LHPP: variants seen among roughly 807,000 people sequenced by gnomAD.
LHPP encodes phospholysine phosphohistidine inorganic pyrophosphate phosphatase, also known as hLHPP.
In LHPP, 24 loss-of-function variants were observed where a neutral mutation model predicts 30.3. The ratio of observed to expected loss-of-function variants is 0.79; its 90% CI spans 0.57 to 1.11. LHPP has a LOEUF of 1.11. Among genes scored for constraint, LHPP ranks in the 50% most tolerant of loss-of-function variants. The probability of loss-of-function intolerance (pLI) is 0.00; values close to 1 mark genes in which losing one functional copy is unlikely to be tolerated. For synonymous variants in LHPP, 150 were observed against 157.1 expected, an observed-to-expected ratio of 0.95 and a Z score of 0.34; for missense variants, 356 against 367.2, an observed-to-expected ratio of 0.97 and a Z score of 0.25.
intron 2 of LHPP, among the ~76,000 whole-genome samples, chr10:124,485,038 T>G (rs1564779851): frequency 1.3e-5 from 2 of 152,126 alleles, no homozygotes; most frequent in South Asian, 4.1e-4. Flanking sequence ...ATATTTTTAG[T>G]TTTACAAACT....
In LHPP at chr10:124,613,547, C is replaced by T. The variant is rs990359067; in HGVS notation, c.*187C>T. 16 of 623,360 alleles carry T rather than the reference C, an allele frequency of 2.6e-5. No homozygotes were observed. Among genetic ancestry groups the T allele is most frequent in the South Asian group, 3.6e-5 (2 of 55,092 alleles). 38.6% of individuals were successfully genotyped at this position (623,360 alleles called of 1,614,324 possible). On this transcript the variant is annotated 3_prime_UTR_variant, in exon 7 of 7. Coordinates refer to ENST00000368842, the MANE Select transcript of LHPP (RefSeq NM_022126.4). ...CCAACCAAGGCCCTGACAGCCCTGC[C>T]TTCTGCCCTCTGCCCTGCATGGGCA... is the stretch of plus-strand genomic sequence containing the variant.
intron 5 of LHPP, among the ~76,000 whole-genome samples, chr10:124,516,012 C>G (rs11245252): frequency 0.097 from 14,707 of 152,244 alleles, 1,037 homozygotes; most frequent in South Asian, 0.31. Flanking sequence ...CTGGGTCTCC[C>G]CAGAATCCTA....
intron 1 of LHPP, among the ~76,000 whole-genome samples, chr10:124,470,322 C>T (rs182008916): frequency 1.1e-4 from 16 of 152,244 alleles, no homozygotes; most frequent in Admixed American, 7.2e-4. Context: ...TTTTTGGAGC[C>T]GGCGGAAGGA....
At chr10:124,477,414 T>C (rs12778799) in intron 1 of LHPP, among the ~76,000 whole-genome samples, 32,332 of 152,114 alleles carry the variant, frequency 0.21, 4,322 homozygotes, top group Middle Eastern at 0.31. Context: ...ATGTCTGCAA[T>C]GTGGCCCCAG....
chr10:124,524,655 G>A (rs985026098), intron 6 of LHPP, among the ~76,000 whole-genome samples: 2 of 152,022 alleles, frequency 1.3e-5, no homozygotes, highest in African/African-American at 2.4e-5. Context: ...GCAACATAGC[G>A]AGACCTCATT....
At chr10:124,612,492 C>G (rs892908080) in intron 6 of LHPP, among the ~76,000 whole-genome samples, 1 of 152,188 alleles carries the variant, frequency 6.6e-6, no homozygotes. Flanking sequence ...CTCCCACCCA[C>G]GTGTCTACCC....
At chr10:124,503,109 G>T (rs1002585202) in intron 5 of LHPP, among the ~76,000 whole-genome samples, 1 of 151,242 alleles carries the variant, frequency 6.6e-6, no homozygotes, top group African/African-American at 2.4e-5. Context: ...CACTCCTGTT[G>T]CCCAGGCTGG....
chr10:124,483,555 A>G (rs1194263852), intron 1 of LHPP, among the ~76,000 whole-genome samples: 1 of 152,164 alleles, frequency 6.6e-6, no homozygotes, highest in African/African-American at 2.4e-5. Flanking sequence ...CAGGAGTTCG[A>G]GACCAGCCTT....
At chr10:124,519,491 T>G (rs182026290) in intron 6 of LHPP, among the ~76,000 whole-genome samples, 42 of 152,330 alleles carry the variant, frequency 2.8e-4, no homozygotes, top group African/African-American at 9.4e-4. Context: ...TTTGGTTACA[T>G]GCATAAGTTC....
intron 6 of LHPP, among the ~76,000 whole-genome samples, chr10:124,567,301 A>G (rs896764693): frequency 6.6e-6 from 1 of 152,178 alleles, no homozygotes; most frequent in Admixed American, 6.5e-5. Flanking sequence ...TGTCTACTAA[A>G]TCAGAGAGAA....
chr10:124,521,546 G>T (rs1954612309), intron 6 of LHPP, among the ~76,000 whole-genome samples: 1 of 152,206 alleles, frequency 6.6e-6, no homozygotes, highest in Non-Finnish European at 1.5e-5. Flanking sequence ...GGCCTTCCAG[G>T]CTCTGTCCTC....
rs190310360 is a variant in LHPP at position 124,542,804 on chromosome 10, C to G, written c.716+25533C>G. Among the ~76,000 whole-genome samples the G allele has an allele frequency of 3.3e-3, 508 of 152,324 alleles. 2 individuals are homozygous for G. Among genetic ancestry groups the G allele is most frequent in the African/African-American group, 0.011 (470 of 41,568 alleles). ...ACTCTCCCCTCTGCCCTCTCGCCTC[C>G]CCTCACGTTCATGGGGTTTTGTGGA... is the stretch of plus-strand genomic sequence containing the variant. On this transcript the variant is annotated intron_variant, in intron 6 of 6. Transcript: ENST00000368842.
At position 124,517,106 on chromosome 10, in the gene LHPP, C is replaced by CA. The variant is rs992992890; in HGVS notation, c.625-67dup. ...CATCAAATCAAGCCATTTATTATGT[C>CA]AAAAAAAGATGAAGGAGCCCGGGAA... On this transcript the variant is annotated intron_variant, in intron 5 of 6. Coordinates refer to ENST00000368842, the MANE Select transcript of LHPP (RefSeq NM_022126.4). This position sits in a 1 kb window ranked among gnomAD's most constrained non-coding sequence, Gnocchi z 4.1. The CA allele has an allele frequency of 6.6e-5, 63 of 959,426 alleles. No homozygotes were observed. The highest frequency in any genetic ancestry group is 1.8e-4 in the Admixed American group (6 of 32,906). 59.4% of individuals were successfully genotyped at this position (959,426 alleles called of 1,614,324 possible). A position where few individuals can be genotyped will look rare whatever the true frequency, so the allele number is the denominator to read the frequency against.
intron 6 of LHPP, among the ~76,000 whole-genome samples, chr10:124,524,425 C>T (rs1265008130): frequency 1.3e-5 from 2 of 151,878 alleles, no homozygotes; most frequent in Non-Finnish European, 2.9e-5. Context: ...TATAGCCACG[C>T]ACCACCATGC....
At chr10:124,492,809 C>G (rs1197791991) in intron 3 of LHPP, among the ~76,000 whole-genome samples, 1 of 152,186 alleles carries the variant, frequency 6.6e-6, no homozygotes, top group African/African-American at 2.4e-5. Context: ...ACCCATTAGG[C>G]CTTTGAGTCA....
chr10:124,525,351 G>A (rs1208727743), intron 6 of LHPP, among the ~76,000 whole-genome samples: 1 of 152,228 alleles, frequency 6.6e-6, no homozygotes, highest in Non-Finnish European at 1.5e-5. Context: ...GCTGATAGAT[G>A]GCAGTGCTGG....
intron 1 of LHPP, among the ~76,000 whole-genome samples, chr10:124,479,336 G>A (rs1211628186): frequency 3.3e-5 from 5 of 152,328 alleles, no homozygotes; most frequent in Middle Eastern, 3.4e-3. Context: ...TCCTGGAGCC[G>A]CACCTGACTA....
At chr10:124,509,979 C>T (rs1202168186) in intron 5 of LHPP, among the ~76,000 whole-genome samples, 1 of 152,150 alleles carries the variant, frequency 6.6e-6, no homozygotes, top group African/African-American at 2.4e-5. Context: ...CCAGGGCAGG[C>T]AGGCAGATGC....
At chr10:124,540,725 C>CT (rs1379069781) in intron 6 of LHPP, among the ~76,000 whole-genome samples, 1 of 152,180 alleles carries the variant, frequency 6.6e-6, no homozygotes, top group Admixed American at 6.5e-5. Context: ...GAAAGAGCAT[C>CT]TTCTCCAGCC....
Sources: gnomAD v4.1 joint callset for allele counts (sites outside exome capture counted in the v4.1 genomes callset) on GRCh38, gnomAD v4.1.1 for gene constraint, Gnocchi (gnomAD v3.1) non-coding constraint, MANE v1.5 for transcripts, NCBI Gene and HGNC (gene_info 2026-07-23, HGNC 2026-07-21) for gene names.